The following LIMS1 variants were observed in gnomAD, a reference collection of about 807,000 sequenced individuals.
The protein encoded by LIMS1 is LIM zinc finger domain containing 1, also known as LIM and senescent cell antigen-like-containing domain protein 1.
A neutral mutation model predicts 44.1 loss-of-function variants in LIMS1; 18 were observed. The ratio of observed to expected loss-of-function variants is 0.41; its 90% CI spans 0.28 to 0.61. The LOEUF (loss-of-function observed/expected upper bound fraction) is 0.61. LIMS1 is among the 20% of genes least tolerant of loss of function. The pLI, the probability that LIMS1 is intolerant of heterozygous loss-of-function variation, is 0.32. For missense variants in LIMS1, 201 were observed against 422.0 expected, an observed-to-expected ratio of 0.48 and a Z score of 4.59; for synonymous variants, 93 against 149.1, an observed-to-expected ratio of 0.62 and a Z score of 2.74.
intron 1 of LIMS1, among the ~76,000 whole-genome samples, chr2:108,638,486 G>GT (rs1280999129): frequency 4.6e-5 from 7 of 152,192 alleles, no homozygotes; most frequent in African/African-American, 1.7e-4. Flanking sequence ...GTTCACGCCT[G>GT]TAACCCCAGC....
chr2:108,593,458 C>T (rs1444199232), intron 1 of LIMS1, among the ~76,000 whole-genome samples: 2 of 152,192 alleles, frequency 1.3e-5, no homozygotes, highest in African/African-American at 4.8e-5. Flanking sequence ...TCCATCCCCA[C>T]TCTCAAGCCT....
At chr2:108,640,823 A>G (rs528177179) in intron 1 of LIMS1, among the ~76,000 whole-genome samples, 13 of 152,252 alleles carry the variant, frequency 8.5e-5, no homozygotes, top group Admixed American at 2.6e-4. Flanking sequence ...CTTTTTGAAC[A>G]TGCGCAATAA....
chr2:108,628,543 A>C (rs1216263622), intron 1 of LIMS1, among the ~76,000 whole-genome samples: 2 of 152,246 alleles, frequency 1.3e-5, no homozygotes, highest in Admixed American at 1.3e-4. Flanking sequence ...CCTAGGCTGC[A>C]GTGAGCCTTC....
At chr2:108,667,264 A>G (rs1165891555) in intron 2 of LIMS1, among the ~76,000 whole-genome samples, 1 of 152,116 alleles carries the variant, frequency 6.6e-6, no homozygotes, top group African/African-American at 2.4e-5. Context: ...GGAAGACCAA[A>G]TATGTATTTC....
At chr2:108,630,178 G>A (rs1339177888) in intron 1 of LIMS1, among the ~76,000 whole-genome samples, 2 of 124,556 alleles carry the variant, frequency 1.6e-5, no homozygotes, top group Admixed American at 1.9e-4. Context: ...GGGCAACAGA[G>A]TGAGACCCTG....
At chr2:108,547,922 C>T (rs767016395) in intron 1 of LIMS1, among the ~76,000 whole-genome samples, 1 of 152,142 alleles carries the variant, frequency 6.6e-6, no homozygotes, top group Non-Finnish European at 1.5e-5. Flanking sequence ...GTAATTCATC[C>T]GTCAAATGAG....
chr2:108,611,988 CATAT>C (rs1687660402), intron 1 of LIMS1, among the ~76,000 whole-genome samples: 1 of 140,746 alleles, frequency 7.1e-6, no homozygotes, highest in Non-Finnish European at 1.5e-5. Flanking sequence ...AATATATATA[CATAT>C]ATTATATATA....
chr2:108,571,233 CTTT>C (rs1236350986), intron 1 of LIMS1, among the ~76,000 whole-genome samples: 1 of 152,162 alleles, frequency 6.6e-6, no homozygotes, highest in Non-Finnish European at 1.5e-5. Context: ...ATAAGGTTGT[CTTT>C]CTAGATAACC....
intron 1 of LIMS1, among the ~76,000 whole-genome samples, chr2:108,607,992 CCTT>C (rs1212521491): frequency 2.6e-5 from 4 of 152,106 alleles, no homozygotes; most frequent in Non-Finnish European, 5.9e-5. Context: ...CTTCATCTTT[CCTT>C]CTTTTAAAAA....
At chr2:108,645,023 A>T (rs1689964934) in intron 1 of LIMS1, among the ~76,000 whole-genome samples, 2 of 152,286 alleles carry the variant, frequency 1.3e-5, no homozygotes, top group Middle Eastern at 3.4e-3. Context: ...TCTTTGTTTG[A>T]TTGGTATACC....
chr2:108,553,756 C>T (rs770654930), intron 1 of LIMS1, among the ~76,000 whole-genome samples: 11 of 152,132 alleles, frequency 7.2e-5, no homozygotes, highest in Non-Finnish European at 1.3e-4. Context: ...CCCAGAACTG[C>T]TGTGATGACT....
chr2:108,542,747 C>T (rs775248109), intron 1 of LIMS1, among the ~76,000 whole-genome samples: 17 of 152,116 alleles, frequency 1.1e-4, no homozygotes, highest in Non-Finnish European at 2.4e-4. Flanking sequence ...GGTAGGAGTT[C>T]CCAAGTCTTA....
chr2:108,649,850 A>C (rs1041229716), intron 1 of LIMS1, among the ~76,000 whole-genome samples: 2 of 152,174 alleles, frequency 1.3e-5, no homozygotes, highest in Non-Finnish European at 2.9e-5. Flanking sequence ...ATAGCATTAG[A>C]AGAAATACCT....
At chr2:108,560,348 T>C (rs1181394546) in intron 1 of LIMS1, among the ~76,000 whole-genome samples, 1 of 152,172 alleles carries the variant, frequency 6.6e-6, no homozygotes, top group Admixed American at 6.5e-5. Flanking sequence ...CCGTAGTCTT[T>C]AGAGAGACCC....
At chr2:108,612,188 T>G (rs1217875374) in intron 1 of LIMS1, among the ~76,000 whole-genome samples, 1 of 151,722 alleles carries the variant, frequency 6.6e-6, no homozygotes, top group Admixed American at 6.6e-5. Context: ...ACTGGTTTGA[T>G]TTGTGTTTTA....
Position 108,677,576 on chromosome 2 carries a change from C to A in LIMS1, c.775-403C>A, listed in dbSNP as rs558303862. 3.8e-5 allele frequency: 8 copies of A among 208,844 alleles called. No individual in the cohort carries two copies. In the East Asian group the frequency reaches 6.0e-4, roughly 16 times the overall value. The allele number at this position is 208,844 out of a possible 1,614,324, so 12.9% of individuals were successfully genotyped here. A position where few individuals can be genotyped will look rare whatever the true frequency, so the allele number is the denominator to read the frequency against. On this transcript the variant is annotated intron_variant, in intron 7 of 9. Coordinates refer to ENST00000544547, the Ensembl canonical transcript of LIMS1. ...TCATCAACCTGCCCTAGATTCAGCA[C>A]CCCTTGATGATTCTTGTCTCTGCGC... is the stretch of plus-strand genomic sequence containing the variant.
chr2:108,554,930 T>C (rs1684874035), intron 1 of LIMS1, among the ~76,000 whole-genome samples: 1 of 152,198 alleles, frequency 6.6e-6, no homozygotes, highest in South Asian at 2.1e-4. Context: ...AATCCGGATC[T>C]GTGTTGTAGT....
chr2:108,625,891 G>C (rs962343978), intron 1 of LIMS1, among the ~76,000 whole-genome samples: 2 of 152,206 alleles, frequency 1.3e-5, no homozygotes, highest in African/African-American at 4.8e-5. Context: ...GCTTTGGTTT[G>C]AGAGTGAAAA....
Position 108,654,970 on chromosome 2 carries a change from G to A in LIMS1, c.33-4635G>A, listed in dbSNP as rs548931348. 29 of 1,505,468 alleles carry A rather than the reference G, an allele frequency of 1.9e-5. No individual in the cohort carries two copies. The African/African-American group carries it at 3.8e-4, about 20-fold the overall frequency. The allele number at this position is 1,505,468 out of a possible 1,614,324, so 93.3% of individuals were successfully genotyped here. A position where few individuals can be genotyped will look rare whatever the true frequency, so the allele number is the denominator to read the frequency against. On this transcript the variant is annotated intron_variant, in intron 1 of 9. Coordinates refer to ENST00000544547, the Ensembl canonical transcript of LIMS1. ...GGCCAGGCTGACGTGCGTGGGAACA[G>A]TGGGAGTGACCCTGGCTGGGAAGCA...
Sources: gnomAD v4.1 joint callset for allele counts (sites outside exome capture counted in the v4.1 genomes callset) on GRCh38, gnomAD v4.1.1 for gene constraint, MANE v1.5 for transcripts, NCBI Gene and HGNC (gene_info 2026-07-23, HGNC 2026-07-21) for gene names.